Variants in SYT1 observed in about 807,000 individuals in gnomAD.
The protein encoded by SYT1 is synaptotagmin-1.
SYT1 carries 8 observed loss-of-function variants against 44.8 expected under a neutral mutation model. The ratio of observed to expected loss-of-function variants is 0.18; its 90% CI spans 0.10 to 0.32. The LOEUF (loss-of-function observed/expected upper bound fraction) is 0.32. SYT1 is among the 10% of genes least tolerant of loss of function. The pLI is 1.00. For synonymous variants in SYT1, 154 were observed against 188.8 expected, an observed-to-expected ratio of 0.82 and a Z score of 1.51; for missense variants, 286 against 509.3, an observed-to-expected ratio of 0.56 and a Z score of 4.22.
At chr12:79,263,851 CTT>C (rs921622069) in intron 4 of SYT1, among the ~76,000 whole-genome samples, 61 of 143,940 alleles carry the variant, frequency 4.2e-4, no homozygotes, top group African/African-American at 1.5e-3. Context: ...GGCTCTTAAG[CTT>C]TTTTTTTTTT....
At chr12:79,078,155 TTGTAATTTATCCTAC>T (rs1301702892) in intron 3 of SYT1, among the ~76,000 whole-genome samples, 3 of 152,154 alleles carry the variant, frequency 2.0e-5, no homozygotes, top group Admixed American at 6.5e-5. Flanking sequence ...CATTGTCCAG[TTGTAATTTATCCTAC>T]TGACTATCAC....
At chr12:79,075,268 G>A (rs530405338) in intron 3 of SYT1, among the ~76,000 whole-genome samples, 1 of 152,066 alleles carries the variant, frequency 6.6e-6, no homozygotes, top group Non-Finnish European at 1.5e-5. Flanking sequence ...TGGTCTGTGG[G>A]CCTACTCTCC....
intron 2 of SYT1, among the ~76,000 whole-genome samples, chr12:79,022,436 C>T (rs1373735199): frequency 6.6e-6 from 1 of 151,722 alleles, no homozygotes; most frequent in Non-Finnish European, 1.5e-5. Context: ...ATTATAATAC[C>T]ATTTAAAATC....
In SYT1 at chr12:79,450,271, A is replaced by AGAT. The variant is rs374358677; in HGVS notation, c.*1150_*1152dup. ...CAGACAGTATTGTAATCCCATCAAA[A>AGAT]GATGAAAGAAAAACAAAAACAAAAA... On this transcript the variant is annotated 3_prime_UTR_variant, in exon 11 of 11. Coordinates refer to ENST00000261205, the MANE Select transcript of SYT1 (RefSeq NM_005639.3). The AGAT allele has an allele frequency of 2.1e-3, 322 of 152,762 alleles. No individual in the cohort carries two copies. The highest frequency in any genetic ancestry group is 6.6e-3 in the African/African-American group (273 of 41,574). The allele number at this position is 152,762 out of a possible 1,614,324, so 9.5% of individuals were successfully genotyped here.
chr12:79,252,339 T>C (rs1877267450), intron 4 of SYT1, among the ~76,000 whole-genome samples: 1 of 152,182 alleles, frequency 6.6e-6, no homozygotes, highest in African/African-American at 2.4e-5. Context: ...ATCATCATCA[T>C]CATCATCACC....
In SYT1 at chr12:79,096,589, A is replaced by G. The variant is rs371660780; in HGVS notation, c.-18+49227A>G. Among the ~76,000 whole-genome samples the G allele has an allele frequency of 7.2e-5, 11 of 152,114 alleles. 1 individual carries two copies. The East Asian group carries it at 7.8e-4, about 11-fold the overall frequency. ...GTTTAGTTGAACCTTGAAGGATGAG[A>G]CAGAGTTTCCCCTTGAAAGGAGGCA... On this transcript the variant is annotated intron_variant, in intron 3 of 10. Coordinates refer to ENST00000261205, the MANE Select transcript of SYT1 (RefSeq NM_005639.3).
At chr12:79,182,271 T>C (rs1872588239) in intron 3 of SYT1, among the ~76,000 whole-genome samples, 1 of 152,206 alleles carries the variant, frequency 6.6e-6, no homozygotes, top group Non-Finnish European at 1.5e-5. Flanking sequence ...CACTTTAATG[T>C]TTGGTACTAC....
intron 9 of SYT1, among the ~76,000 whole-genome samples, chr12:79,415,102 C>T (rs936024767): frequency 2.0e-5 from 3 of 151,828 alleles, no homozygotes; most frequent in African/African-American, 7.3e-5. Flanking sequence ...TGCTTATTTA[C>T]AATTTGTTTG....
intron 9 of SYT1, among the ~76,000 whole-genome samples, chr12:79,372,439 T>C (rs1883828157): frequency 6.6e-6 from 1 of 152,222 alleles, no homozygotes; most frequent in Admixed American, 6.5e-5. Context: ...TAGCACAGCC[T>C]AGCTATGTTG....
At chr12:78,923,555 TA>T (rs71091635) in intron 1 of SYT1, among the ~76,000 whole-genome samples, 22 of 151,678 alleles carry the variant, frequency 1.5e-4, no homozygotes, top group South Asian at 1.0e-3. Context: ...TAGAACTATT[TA>T]AAAAAAATTT....
intron 1 of SYT1, among the ~76,000 whole-genome samples, chr12:78,940,175 G>A: frequency 6.6e-6 from 1 of 150,572 alleles, no homozygotes; most frequent in African/African-American, 2.4e-5. Flanking sequence ...GCTGGTTGAT[G>A]ATTTTTTTTT....
At chr12:79,129,158 G>T (rs1339225087) in intron 3 of SYT1, among the ~76,000 whole-genome samples, 1 of 152,110 alleles carries the variant, frequency 6.6e-6, no homozygotes, top group Non-Finnish European at 1.5e-5. Context: ...TTAACCAAAG[G>T]ACTGCAATAA....
intron 1 of SYT1, among the ~76,000 whole-genome samples, chr12:78,899,836 T>C (rs1405378666): frequency 6.6e-6 from 1 of 152,090 alleles, no homozygotes; most frequent in Non-Finnish European, 1.5e-5. Context: ...ATTTTATAGC[T>C]AGATTATTTT....
chr12:79,202,923 A>G (rs1873874849), intron 3 of SYT1, among the ~76,000 whole-genome samples: 1 of 152,148 alleles, frequency 6.6e-6, no homozygotes, highest in African/African-American at 2.4e-5. Context: ...ACCATAATTT[A>G]CAGAATGTAG....
chr12:79,291,873 T>C (rs1565893588), intron 5 of SYT1, 135 bp from the exon 6 acceptor site: 2 of 1,073,650 alleles, frequency 1.9e-6, no homozygotes, highest in Non-Finnish European at 2.9e-6. Context: ...CAAATGTGAA[T>C]GTGTGTCAGA....
At chr12:79,005,878 T>C (rs1871043769) in intron 2 of SYT1, among the ~76,000 whole-genome samples, 1 of 152,150 alleles carries the variant, frequency 6.6e-6, no homozygotes, top group African/African-American at 2.4e-5. Context: ...CAAATTGTCC[T>C]TCCCACCATG....
intron 8 of SYT1, among the ~76,000 whole-genome samples, chr12:79,332,819 A>G: frequency 6.6e-6 from 1 of 152,180 alleles, no homozygotes; most frequent in East Asian, 1.9e-4. Flanking sequence ...CTATGTGTCT[A>G]CATTTTCTAC....
chr12:79,331,704 C>T (rs1254041142), intron 8 of SYT1, among the ~76,000 whole-genome samples: 1 of 151,940 alleles, frequency 6.6e-6, no homozygotes, highest in Non-Finnish European at 1.5e-5. Context: ...CTTTAAATTA[C>T]AGTGTTAGTA....
chr12:79,209,418 T>A (rs1036759458), intron 3 of SYT1, among the ~76,000 whole-genome samples: 2 of 152,200 alleles, frequency 1.3e-5, no homozygotes, highest in African/African-American at 4.8e-5. Flanking sequence ...CTAGGAAATG[T>A]TCTCCATGTA....
Sources: gnomAD v4.1 joint callset for allele counts (sites outside exome capture counted in the v4.1 genomes callset) on GRCh38, gnomAD v4.1.1 for gene constraint, MANE v1.5 for transcripts, NCBI Gene and HGNC (gene_info 2026-07-23, HGNC 2026-07-21) for gene names.